ADAMTS19: variants seen among roughly 807,000 people sequenced by gnomAD.
The protein encoded by ADAMTS19 is ADAM metallopeptidase with thrombospondin type 1 motif 19, also known as A disintegrin and metalloproteinase with thrombospondin motifs 19.
A neutral mutation model predicts 153.3 loss-of-function variants in ADAMTS19; 93 were observed. The ratio of observed to expected loss-of-function variants is 0.61; its 90% CI spans 0.51 to 0.72. The LOEUF (loss-of-function observed/expected upper bound fraction) is 0.72. ADAMTS19 is among the 30% of genes least tolerant of loss of function. The pLI, the probability that ADAMTS19 is intolerant of heterozygous loss-of-function variation, is 0.00. For missense variants in ADAMTS19, 1,482 were observed against 1,552.1 expected (o/e 0.95, Z 0.76); for synonymous variants, 600 against 556.6 (o/e 1.08, Z -1.10).
At chr5:129,635,112 C>A (rs3979145) in intron 10 of ADAMTS19, among the ~76,000 whole-genome samples, 3,665 of 152,154 alleles carry the variant, frequency 0.024, 120 homozygotes, top group African/African-American at 0.078. Context: ...GGGCAAAGGA[C>A]GTTAACAGAC....
intron 8 of ADAMTS19, among the ~76,000 whole-genome samples, chr5:129,602,512 A>G (rs1477068561): frequency 2.0e-5 from 3 of 152,196 alleles, no homozygotes; most frequent in Admixed American, 6.5e-5. Flanking sequence ...TTCATATCTA[A>G]TTCAACTGCA....
Position 129,509,229 on chromosome 5 carries a change from T to C in ADAMTS19, c.900T>C (p.Cys300=), listed in dbSNP as rs1169332601. 9 of 1,610,500 alleles carry C rather than the reference T, an allele frequency of 5.6e-6. No homozygotes were observed. The highest frequency in any genetic ancestry group is 4.4e-5 in the South Asian group (4 of 90,658). The change falls in exon 3 of 23, where the codon TGT becomes TGC. Residue 300 remains cysteine (C), a synonymous_variant. Coordinates refer to ENST00000274487, the MANE Select transcript of ADAMTS19 (RefSeq NM_133638.6). ...TEKSALHSHY[C]GIISDKGRPR... Reference sequence around the variant, plus strand: ...AGTCAGCTCTTCACAGTCATTACTGTGGTATCATTTCAGGTAAATGCCTTC... The same window carrying C: ...AGTCAGCTCTTCACAGTCATTACTGCGGTATCATTTCAGGTAAATGCCTTC...
intron 21 of ADAMTS19, among the ~76,000 whole-genome samples, chr5:129,724,697 G>C (rs1757134447): frequency 6.6e-6 from 1 of 152,184 alleles, no homozygotes. Context: ...TCCGGAGTGT[G>C]TCTTCTGATT....
At chr5:129,486,287 G>C (rs1750589237) in intron 2 of ADAMTS19, among the ~76,000 whole-genome samples, 1 of 151,988 alleles carries the variant, frequency 6.6e-6, no homozygotes, top group Non-Finnish European at 1.5e-5. Flanking sequence ...TTAATTATAA[G>C]AAAAATCTAC....
At position 129,648,860 on chromosome 5, in the gene ADAMTS19, C is replaced by T; in HGVS notation, c.2066C>T (p.Pro689Leu). The change falls in exon 13 of 23, where the codon CCA (proline) becomes CTA (leucine). Residue 689 changes from proline to leucine, a missense_variant. Physicochemically the swap from Pro to Leu is moderately conservative, Grantham distance 98 (BLOSUM62 -3). This residue lies in a region of ADAMTS19 where 616 missense variants were observed against 724.4 expected (regional missense o/e 0.85). Transcript: ENST00000274487. Reference sequence around the variant, plus strand: ...AAACAATACAGAATATGTGAGAATCCACCTTGTCCTGCAGGTTTGCCTGGA... The same window carrying T: ...AAACAATACAGAATATGTGAGAATCTACCTTGTCCTGCAGGTTTGCCTGGA... The part of the protein sequence containing the change: ...PRKQYRICEN[P>L]PCPAGLPGFR... 1 of 1,613,636 alleles carries T rather than the reference C, an allele frequency of 6.2e-7. No homozygotes were observed. Among genetic ancestry groups the T allele is most frequent in the Non-Finnish European group, 8.5e-7 (1 of 1,179,834 alleles).
intron 7 of ADAMTS19, among the ~76,000 whole-genome samples, chr5:129,555,065 T>G (rs780251753): frequency 1.3e-5 from 2 of 152,152 alleles, no homozygotes; most frequent in Non-Finnish European, 2.9e-5. Flanking sequence ...ACTTCTTTTC[T>G]CTTTTATCTA....
intron 21 of ADAMTS19, among the ~76,000 whole-genome samples, chr5:129,713,135 T>C (rs369120145): frequency 6.6e-6 from 1 of 152,352 alleles, no homozygotes; most frequent in African/African-American, 2.4e-5. Context: ...TTGATATTCC[T>C]TATAGAAGGA....
intron 2 of ADAMTS19, among the ~76,000 whole-genome samples, chr5:129,504,365 T>C (rs1203629123): frequency 6.6e-6 from 1 of 152,220 alleles, no homozygotes; most frequent in Non-Finnish European, 1.5e-5. Context: ...ATTTTTAAAT[T>C]ACTTTAAATG....
In ADAMTS19 at chr5:129,664,074, C is replaced by T. The variant is rs145655456; in HGVS notation, c.2426-1425C>T. 2.6e-4 allele frequency among the ~76,000 whole-genome samples: 40 copies of T among 151,122 alleles called. No homozygotes were observed. In the East Asian group the frequency reaches 6.7e-3, roughly 25 times the overall value. ...GATTCTGTCTGATGACAGTGTTTCC[C>T]AAGTATGAGTAATTTTTAACAAGGA... On this transcript the variant is annotated intron_variant, in intron 15 of 22. Coordinates refer to ENST00000274487, the MANE Select transcript of ADAMTS19 (RefSeq NM_133638.6).
intron 2 of ADAMTS19, among the ~76,000 whole-genome samples, chr5:129,497,649 T>G (rs767044365): frequency 1.3e-5 from 2 of 152,126 alleles, no homozygotes; most frequent in Admixed American, 1.3e-4. Context: ...CTAGAAACTT[T>G]GGAGTAATCC....
chr5:129,602,308 C>G (rs963367246), intron 8 of ADAMTS19, among the ~76,000 whole-genome samples: 1 of 152,190 alleles, frequency 6.6e-6, no homozygotes, highest in East Asian at 1.9e-4. Context: ...TCGGGCTGGT[C>G]GTGAACTCCC....
intron 2 of ADAMTS19, among the ~76,000 whole-genome samples, chr5:129,486,620 G>A (rs1750600206): frequency 6.6e-6 from 1 of 152,018 alleles, no homozygotes; most frequent in Non-Finnish European, 1.5e-5. Context: ...AAAACCCATG[G>A]TTAACATCAT....
At chr5:129,586,018 T>G (rs1247609045) in intron 7 of ADAMTS19, among the ~76,000 whole-genome samples, 1 of 152,160 alleles carries the variant, frequency 6.6e-6, no homozygotes, top group African/African-American at 2.4e-5. Context: ...TTATAGACTA[T>G]TTTTTAGAGC....
In ADAMTS19 at chr5:129,461,397, G is replaced by A. The variant is rs1181896559; in HGVS notation, c.387G>A (p.Pro129=). Residue 129 remains proline, a synonymous_variant, in exon 2 of 23, where the codon CCG becomes CCA. Transcript: ENST00000274487. This position sits in a 1 kb window ranked among gnomAD's most constrained non-coding sequence, Gnocchi z 4.6. ...EDEELESQEL[P]RGSSGAAALS... Reference sequence around the variant, plus strand: ...AGGAGCTCGAGTCGCAGGAGCTGCCGCGGGGATCCAGCGGGGCTGCCGCCT... The same window carrying A: ...AGGAGCTCGAGTCGCAGGAGCTGCCACGGGGATCCAGCGGGGCTGCCGCCT... 2 of 1,353,390 alleles carry A rather than the reference G, an allele frequency of 1.5e-6. No homozygotes were observed. The highest frequency in any genetic ancestry group is 4.1e-5 in the Admixed American group (1 of 24,432). The allele number at this position is 1,353,390 out of a possible 1,614,324, so 83.8% of individuals were successfully genotyped here.
chr5:129,508,669 ATTAC>A (rs1751339685), intron 2 of ADAMTS19, among the ~76,000 whole-genome samples: 1 of 151,998 alleles, frequency 6.6e-6, no homozygotes, highest in Non-Finnish European at 1.5e-5. Context: ...TGTTATATGA[ATTAC>A]TTTATTAAAT....
intron 16 of ADAMTS19, among the ~76,000 whole-genome samples, chr5:129,673,154 AT>A (rs1370780212): frequency 6.6e-6 from 1 of 151,940 alleles, no homozygotes; most frequent in East Asian, 1.9e-4. Context: ...GATTATCCCT[AT>A]TGTTAATTTA....
intron 21 of ADAMTS19, among the ~76,000 whole-genome samples, chr5:129,722,991 C>T (rs1757065915): frequency 6.6e-6 from 1 of 152,160 alleles, no homozygotes; most frequent in Non-Finnish European, 1.5e-5. Flanking sequence ...ATTTCCTACA[C>T]ATTTTCATTT....
chr5:129,627,502 C>A (rs1351346708), intron 10 of ADAMTS19, among the ~76,000 whole-genome samples: 1 of 151,882 alleles, frequency 6.6e-6, no homozygotes, highest in Non-Finnish European at 1.5e-5. Flanking sequence ...TAAAATTTGA[C>A]AAATGGGACC....
intron 2 of ADAMTS19, among the ~76,000 whole-genome samples, chr5:129,493,943 A>C (rs1477958662): frequency 6.6e-6 from 1 of 151,652 alleles, no homozygotes; most frequent in Non-Finnish European, 1.5e-5. Context: ...ATCACACCCT[A>C]GTTACATTTC....
Sources: allele counts gnomAD v4.1 joint callset (sites outside exome capture counted in the v4.1 genomes callset), GRCh38; gene constraint gnomAD v4.1.1; regional missense constraint gnomAD v4.1.1; non-coding constraint Gnocchi (gnomAD v3.1); transcripts MANE v1.5; gene names NCBI Gene and HGNC (gene_info 2026-07-23, HGNC 2026-07-21).